CEP57: variants seen among roughly 807,000 people sequenced by gnomAD.
CEP57 encodes the protein centrosomal protein of 57 kDa.
Under a neutral mutation model 68.0 loss-of-function variants are expected in CEP57, and 40 were observed. The ratio of observed to expected loss-of-function variants is 0.59; its 90% CI spans 0.46 to 0.77. CEP57 has a LOEUF of 0.77. Among genes scored for constraint, CEP57 ranks in the 30% least tolerant of loss-of-function variants. The pLI, the probability that CEP57 is intolerant of heterozygous loss-of-function variation, is 0.00. For synonymous variants in CEP57, 219 were observed against 198.7 expected, an observed-to-expected ratio of 1.10 and a Z score of -0.86; for missense variants, 606 against 580.7, an observed-to-expected ratio of 1.04 and a Z score of -0.45.
chr11:95,790,546 A>G lies in CEP57; in HGVS notation c.-153A>G, dbSNP rs565598853. 1 of 827,304 alleles carries G rather than the reference A, an allele frequency of 1.2e-6. No individual in the cohort carries two copies. Among genetic ancestry groups the G allele is most frequent in the East Asian group, 2.7e-5 (1 of 37,514 alleles). 51.2% of individuals were successfully genotyped at this position (827,304 alleles called of 1,614,324 possible). ...AGGCGGCCCTGAGGGGGTGTGTTGCAGGGGTTTCCAAGCCCAGCACCAGCA... is the reference window on the plus strand; with the variant it reads ...AGGCGGCCCTGAGGGGGTGTGTTGCGGGGGTTTCCAAGCCCAGCACCAGCA... On this transcript the variant is annotated 5_prime_UTR_variant, in exon 1 of 11. Transcript: ENST00000325542.
At chr11:95,811,422 G>A (rs539880727) in intron 2 of CEP57, among the ~76,000 whole-genome samples, 1 of 137,298 alleles carries the variant, frequency 7.3e-6, no homozygotes, top group East Asian at 2.3e-4. Context: ...ACACACCGGG[G>A]CCTGTCGTGG....
At chr11:95,792,194 A>G (rs1366575400) in intron 1 of CEP57, among the ~76,000 whole-genome samples, 1 of 152,210 alleles carries the variant, frequency 6.6e-6, no homozygotes, top group Non-Finnish European at 1.5e-5. Flanking sequence ...TTAGGTCAGT[A>G]AAAGAAAAAA....
intron 6 of CEP57, among the ~76,000 whole-genome samples, chr11:95,820,447 C>T (rs757387192): frequency 1.6e-4 from 25 of 151,638 alleles, no homozygotes; most frequent in Non-Finnish European, 2.9e-4. Flanking sequence ...CAAAATTGGC[C>T]GGGTATGGTG....
At chr11:95,798,757 T>A (rs1861451918) in intron 1 of CEP57, among the ~76,000 whole-genome samples, 1 of 152,252 alleles carries the variant, frequency 6.6e-6, no homozygotes, top group Non-Finnish European at 1.5e-5. Flanking sequence ...TTTTTGTTAA[T>A]TAAATGTAAA....
In CEP57 at chr11:95,820,732, A is replaced by C. The variant is rs1191110704; in HGVS notation, c.700-1139A>C. Among the ~76,000 whole-genome samples, 3 of 152,348 alleles carry C rather than the reference A, an allele frequency of 2.0e-5. No homozygotes were observed. In the East Asian group the frequency reaches 5.8e-4, roughly 29 times the overall value. On this transcript the variant is annotated intron_variant, in intron 6 of 10. Coordinates refer to ENST00000325542, the MANE Select transcript of CEP57 (RefSeq NM_014679.5). ...GGGAAGAATAAATAAACTGGAAGTT[A>C]AAATACTCAAAAAAAAGTTCTTGTA...
At chr11:95,794,881 G>A (rs566877) in intron 1 of CEP57, among the ~76,000 whole-genome samples, 42,319 of 151,858 alleles carry the variant, frequency 0.28, 7,064 homozygotes, top group Non-Finnish European at 0.38. Context: ...CCAGTGTAAC[G>A]GTTTTACTTA....
At chr11:95,814,109 G>C (rs531557094) in intron 4 of CEP57, among the ~76,000 whole-genome samples, 51 of 152,198 alleles carry the variant, frequency 3.4e-4, no homozygotes, top group Non-Finnish European at 2.9e-5. Flanking sequence ...CTGGAGTGTA[G>C]TGGCATGATC....
chr11:95,818,914 A>C lies in CEP57; in HGVS notation c.699+10A>C, dbSNP rs1862413827. 1 of 1,608,032 alleles carries C rather than the reference A, an allele frequency of 6.2e-7. No homozygotes were observed. Among genetic ancestry groups the C allele is most frequent in the African/African-American group, 1.3e-5 (1 of 74,794 alleles). ...AGCTAAGGCAGCTGAGGTAAGTTAA[A>C]ATGTGAGAAAGTGGGCTCTTCATAT... On this transcript the variant is annotated intron_variant, in intron 6 of 10. Transcript: ENST00000325542.
In CEP57 at chr11:95,818,893, A is replaced by G. The variant is rs1342460524; in HGVS notation, c.688A>G (p.Lys230Glu). 6.2e-7 allele frequency: 1 copy of G among 1,613,676 alleles called. No individual in the cohort carries two copies. The highest frequency in any genetic ancestry group is 8.5e-7 in the Non-Finnish European group (1 of 1,179,668). ...ACAGGAAAGGAAACGCATGCAAGCT[A>G]AGGCAGCTGAGGTAAGTTAAAATGT... ...EEQERKRMQAKAAELQTGLET... is the reference protein window; with the variant it reads ...EEQERKRMQAEAAELQTGLET... The change falls in exon 6 of 11, where the codon AAG becomes GAG. Residue 230 changes from lysine to glutamate, a missense_variant. Coordinates refer to ENST00000325542, the MANE Select transcript of CEP57 (RefSeq NM_014679.5).
At chr11:95,823,922 A>C (rs779544029) in intron 8 of CEP57, among the ~76,000 whole-genome samples, 1 of 152,152 alleles carries the variant, frequency 6.6e-6, no homozygotes, top group Non-Finnish European at 1.5e-5. Flanking sequence ...ATCAAGTGCT[A>C]CTAATGATGG....
chr11:95,826,609 A>T (rs1264195726), intron 8 of CEP57: 6 of 150,578 alleles, frequency 4.0e-5, no homozygotes, highest in Admixed American at 4.0e-4. Flanking sequence ...GGAAAAAAAA[A>T]TTTCATTATG....
chr11:95,799,491 C>T, intron 2 of CEP57, 103 bp downstream of exon 2: 1 of 1,376,254 alleles, frequency 7.3e-7, no homozygotes, highest in South Asian at 1.2e-5. Context: ...AATATATTTC[C>T]CCTTTGCTTC....
Position 95,799,355 on chromosome 11 carries a change from C to T in CEP57, c.169C>T (p.Pro57Ser). Reference protein sequence around the residue: ...NSDLRRSPSKPTLAYPESNSR... With the variant: ...NSDLRRSPSKSTLAYPESNSR... ...TGATCTACGACGCTCCCCAAGTAAG[C>T]CTACACTTGCCTATCCAGAAAGCAA... The change falls in exon 2 of 11, where the codon CCT (proline) becomes TCT (serine). Residue 57 changes from proline (P) to serine (S), a missense_variant. Coordinates refer to ENST00000325542, the MANE Select transcript of CEP57 (RefSeq NM_014679.5). 1 of 1,613,970 alleles carries T rather than the reference C, an allele frequency of 6.2e-7. No individual in the cohort carries two copies. Among genetic ancestry groups the T allele is most frequent in the Non-Finnish European group, 8.5e-7 (1 of 1,179,918 alleles).
Position 95,812,955 on chromosome 11 carries a change from C to G in CEP57, c.226C>G (p.Leu76Val), listed in dbSNP as rs368273217. The G allele has an allele frequency of 1.4e-5, 23 of 1,613,860 alleles. No individual in the cohort carries two copies. In the Middle Eastern group the frequency reaches 6.6e-4, roughly 46 times the overall value. The stretch of plus-strand genomic sequence containing the variant: ...AGCCATATTTTCTGCTCTTAAGAAT[C>G]TTCAAGATAAGATTCGACGCTTGGA... The part of the protein sequence containing the change: ...SRAIFSALKN[L>V]QDKIRRLELE... The change falls in exon 3 of 11, where the codon CTT (leucine) becomes GTT (valine). Residue 76 changes from leucine (L) to valine (V), a missense_variant. Physicochemically the swap from Leu to Val is conservative, Grantham distance 32 (BLOSUM62 1). Coordinates refer to ENST00000325542, the MANE Select transcript of CEP57 (RefSeq NM_014679.5).
rs1029266260 is a variant in CEP57 at position 95,817,910 on chromosome 11, G to T, written c.621+7G>T. Reference sequence around the variant, plus strand: ...AATGCAGGCCCTTGCAGAAGTCAGTGCATGTGTCTTTTTATTGTTAACATA... The same window carrying T: ...AATGCAGGCCCTTGCAGAAGTCAGTTCATGTGTCTTTTTATTGTTAACATA... On this transcript the variant is annotated splice_region_variant and intron_variant, in intron 5 of 10. Transcript: ENST00000325542. The T allele has an allele frequency of 5.2e-6, 8 of 1,538,330 alleles. No homozygotes were observed. Among genetic ancestry groups the T allele is most frequent in the Non-Finnish European group, 7.2e-6 (8 of 1,111,168 alleles).
chr11:95,805,855 T>G (rs1861775496), intron 2 of CEP57, among the ~76,000 whole-genome samples: 1 of 152,262 alleles, frequency 6.6e-6, no homozygotes, highest in Admixed American at 6.5e-5. Flanking sequence ...TGTGTGTGAA[T>G]TTAGTGTATG....
At chr11:95,803,134 TGTG>T (rs1370163203) in intron 2 of CEP57, among the ~76,000 whole-genome samples, 1 of 152,066 alleles carries the variant, frequency 6.6e-6, no homozygotes, top group African/African-American at 2.4e-5. Flanking sequence ...CATATTTTGT[TGTG>T]GGGAATGAGG....
Position 95,821,859 on chromosome 11 carries a change from C to A in CEP57, c.700-12C>A. ...TTCTACAGCATTAACTTGAGGCTCT[C>A]ATTTTTCCTAGTTGCAGACTGGTCT... On this transcript the variant is annotated splice_polypyrimidine_tract_variant and intron_variant, in intron 6 of 10. Transcript: ENST00000325542. 1 of 1,564,214 alleles carries A rather than the reference C, an allele frequency of 6.4e-7. No homozygotes were observed. Among genetic ancestry groups the A allele is most frequent in the African/African-American group, 1.4e-5 (1 of 74,000 alleles).
chr11:95,804,727 T>A (rs759938151), intron 2 of CEP57, among the ~76,000 whole-genome samples: 8 of 152,214 alleles, frequency 5.3e-5, no homozygotes, highest in Non-Finnish European at 7.3e-5. Context: ...ATATTATAAA[T>A]TGCATTTAAA....
Sources: gnomAD v4.1 joint callset for allele counts (sites outside exome capture counted in the v4.1 genomes callset) on GRCh38, gnomAD v4.1.1 for gene constraint, MANE v1.5 for transcripts, NCBI Gene and HGNC (gene_info 2026-07-23, HGNC 2026-07-21) for gene names.